Variants in DNAH6 observed in about 807,000 individuals in gnomAD.
DNAH6 encodes dynein axonemal heavy chain 6.
DNAH6 carries 340 observed loss-of-function variants against 491.4 expected under a neutral mutation model. The ratio of observed to expected loss-of-function variants is 0.69; its 90% CI spans 0.63 to 0.76. The LOEUF (loss-of-function observed/expected upper bound fraction) is 0.76, where lower values mean the gene tolerates loss of function less well. DNAH6 is among the 30% of genes least tolerant of loss of function. The pLI, the probability that DNAH6 is intolerant of heterozygous loss-of-function variation, is 0.00. For synonymous variants in DNAH6, 1,603 were observed against 1,686.1 expected (o/e 0.95, Z 1.21); for missense variants, 4,443 against 4,972.2 (o/e 0.89, Z 3.20).
chr2:84,653,191 A>G, intron 33 of DNAH6, 128 bp from the exon 34 acceptor site: 2 of 803,722 alleles, frequency 2.5e-6, no homozygotes, highest in Non-Finnish European at 3.8e-6. Flanking sequence ...ACAAACTAAT[A>G]CTGTACATGT....
At position 84,781,594 on chromosome 2, in the gene DNAH6, A is replaced by C. The variant is rs778683393; in HGVS notation, c.10805A>C (p.His3602Pro). ...SGNWVFLQNC[H>P]LAVSWMLAME... ...AACTGGGTATTTTTGCAAAATTGCC[A>C]TCTTGCTGTTTCTTGGATGTTGGCA... The change falls in exon 65 of 77, where the codon CAT (histidine) becomes CCT (proline). Residue 3602 changes from histidine to proline, a missense_variant. Coordinates refer to ENST00000389394, the MANE Select transcript of DNAH6 (RefSeq NM_001370.2). The C allele has an allele frequency of 1.3e-6, 2 of 1,551,774 alleles. No homozygotes were observed. Among genetic ancestry groups the C allele is most frequent in the African/African-American group, 2.7e-5 (2 of 73,064 alleles).
intron 65 of DNAH6, among the ~76,000 whole-genome samples, chr2:84,782,865 G>A (rs11687501): frequency 0.041 from 6,213 of 152,268 alleles, 176 homozygotes; most frequent in Middle Eastern, 0.068. Flanking sequence ...ACTACATGAG[G>A]CTCCAGAATA....
chr2:84,602,405 C>G (rs1380028018), intron 18 of DNAH6, among the ~76,000 whole-genome samples: 2 of 132,796 alleles, frequency 1.5e-5, no homozygotes, highest in African/African-American at 5.7e-5. Context: ...TGGAGGTATT[C>G]TTTTCTTGTT....
intron 23 of DNAH6, among the ~76,000 whole-genome samples, chr2:84,617,609 G>A (rs1687001424): frequency 6.6e-6 from 1 of 151,588 alleles, no homozygotes; most frequent in Non-Finnish European, 1.5e-5. Context: ...GAGTTCAATT[G>A]TTTTGATTTT....
At chr2:84,753,743 G>A (rs1206939918) in intron 63 of DNAH6, among the ~76,000 whole-genome samples, 4 of 113,354 alleles carry the variant, frequency 3.5e-5, no homozygotes, top group Admixed American at 2.0e-4. Context: ...GGCAACAGGA[G>A]TGAAACTCTG....
intron 68 of DNAH6, 122 bp from the exon 69 acceptor site, chr2:84,796,184 G>A (rs900751925): frequency 3.2e-6 from 2 of 630,582 alleles, no homozygotes; most frequent in Non-Finnish European, 5.1e-6. Context: ...ATTCTGTTGT[G>A]TGCTTTCCAT....
Position 84,624,953 on chromosome 2 carries a change from G to A in DNAH6, c.4405G>A (p.Ala1469Thr), listed in dbSNP as rs959610217. ...AGCTTTGCAGCTTGACCTTGGGGGT[G>A]CACCAGCTGGTCCTGCTGGCACTGG... is the stretch of plus-strand genomic sequence containing the variant. The part of the protein sequence containing the change: ...MGALQLDLGG[A>T]PAGPAGTGKT... The change falls in exon 29 of 77, where the codon GCA becomes ACA. Residue 1469 changes from alanine to threonine, a missense_variant. Physicochemically the swap from Ala to Thr is moderately conservative, Grantham distance 58 (BLOSUM62 0). This residue lies in a region of DNAH6 where 2,977 missense variants were observed against 3,296.6 expected (regional missense o/e 0.90). Transcript: ENST00000389394. 7 of 1,551,502 alleles carry A rather than the reference G, an allele frequency of 4.5e-6. No individual in the cohort carries two copies. The highest frequency in any genetic ancestry group is 2.7e-5 in the African/African-American group (2 of 73,044).
chr2:84,799,556 A>G (rs1169545114), intron 70 of DNAH6, among the ~76,000 whole-genome samples: 1 of 152,250 alleles, frequency 6.6e-6, no homozygotes, highest in East Asian at 1.9e-4. Flanking sequence ...CAGTGCCACT[A>G]ACCTGTCCAG....
rs773477543 is a variant in DNAH6, at chr2:84,745,081, A to G, written c.10344A>G (p.Gly3448=). ...ATCTTTTTTAAATTGTATTTCCAGG[A>G]TCTTTTGAGACTTATATTAACCCAC... ...ILSHPISIRL[G]SFETYINPQK... Residue 3448 remains glycine, a splice_region_variant and synonymous_variant, in exon 63 of 77, where the codon GGA becomes GGG. Coordinates refer to ENST00000389394, the MANE Select transcript of DNAH6 (RefSeq NM_001370.2). The G allele has an allele frequency of 6.7e-7, 1 of 1,484,230 alleles. No individual in the cohort carries two copies. The highest frequency in any genetic ancestry group is 9.0e-7 in the Non-Finnish European group (1 of 1,110,862). 91.9% of individuals were successfully genotyped at this position (1,484,230 alleles called of 1,614,324 possible). A position where few individuals can be genotyped will look rare whatever the true frequency, so the allele number is the denominator to read the frequency against.
chr2:84,483,818 T>C, the DNAH6 span, among the ~76,000 whole-genome samples: 1 of 152,146 alleles, frequency 6.6e-6, no homozygotes, highest in Admixed American at 6.6e-5. Flanking sequence ...ACCTCATTAT[T>C]GTTGGGCGGG....
chr2:84,741,512 A>G (rs1558984841), intron 62 of DNAH6, among the ~76,000 whole-genome samples: 1 of 152,106 alleles, frequency 6.6e-6, no homozygotes, highest in Admixed American at 6.5e-5. Flanking sequence ...TTAAACTCTC[A>G]AAAGGGCACC....
At chr2:84,539,617 A>G (rs1284382435) in intron 4 of DNAH6, among the ~76,000 whole-genome samples, 1 of 152,222 alleles carries the variant, frequency 6.6e-6, no homozygotes, top group South Asian at 2.1e-4. Context: ...AAGACTTGCT[A>G]AAACACAGAT....
the DNAH6 span, among the ~76,000 whole-genome samples, chr2:84,475,555 C>T: frequency 3.0e-4 from 45 of 152,248 alleles, no homozygotes; most frequent in African/African-American, 6.5e-4. Context: ...GCCTGAGAAA[C>T]GGGGCATATT....
intron 76 of DNAH6, among the ~76,000 whole-genome samples, chr2:84,816,369 G>C (rs921267083): frequency 2.0e-5 from 3 of 152,148 alleles, no homozygotes; most frequent in African/African-American, 7.2e-5. Context: ...GGCCTGAATA[G>C]ACACGAAAAT....
intron 69 of DNAH6, 145 bp downstream of exon 69, chr2:84,796,570 AG>A: frequency 1.8e-6 from 1 of 566,662 alleles, no homozygotes; most frequent in South Asian, 4.8e-5. Context: ...GGCCACCTTC[AG>A]AGCTGGTTTG....
At chr2:84,538,386 TG>T (rs552958356) in intron 4 of DNAH6, among the ~76,000 whole-genome samples, 26 of 152,294 alleles carry the variant, frequency 1.7e-4, no homozygotes, top group African/African-American at 6.0e-4. Flanking sequence ...GAATAATGTC[TG>T]ATGCTCCCAT....
Position 84,715,545 on chromosome 2 carries a change from G to C in DNAH6, c.9544-15G>C. On this transcript the variant is annotated splice_polypyrimidine_tract_variant and intron_variant, in intron 57 of 76. Coordinates refer to ENST00000389394, the MANE Select transcript of DNAH6 (RefSeq NM_001370.2). Reference sequence around the variant, plus strand: ...GCACTTAAGCATTTTTATGCACTCTGTGCTTCTCTTCCAGGTATGCATTAA... The same window carrying C: ...GCACTTAAGCATTTTTATGCACTCTCTGCTTCTCTTCCAGGTATGCATTAA... 1 of 1,551,094 alleles carries C rather than the reference G, an allele frequency of 6.4e-7. No individual in the cohort carries two copies. The highest frequency in any genetic ancestry group is 8.7e-7 in the Non-Finnish European group (1 of 1,146,642).
At chr2:84,630,702 T>C (rs1688320338) in intron 29 of DNAH6, among the ~76,000 whole-genome samples, 1 of 152,200 alleles carries the variant, frequency 6.6e-6, no homozygotes. Context: ...ATAATATCAG[T>C]ACCATTGAGG....
intron 32 of DNAH6, 53 bp downstream of exon 32, chr2:84,640,631 A>G (rs1485941331): frequency 6.7e-7 from 1 of 1,493,994 alleles, no homozygotes; most frequent in African/African-American, 1.4e-5. Context: ...GATCAAATGC[A>G]TTAAATGGGT....
Sources: allele counts gnomAD v4.1 joint callset (sites outside exome capture counted in the v4.1 genomes callset), GRCh38; gene constraint gnomAD v4.1.1; regional missense constraint gnomAD v4.1.1; transcripts MANE v1.5; gene names NCBI Gene and HGNC (gene_info 2026-07-23, HGNC 2026-07-21).